The following TAF1D variants were observed in gnomAD, a reference collection of about 807,000 sequenced individuals.
TAF1D encodes the protein TATA box-binding protein-associated factor RNA polymerase I subunit D.
In TAF1D, 23 loss-of-function variants were observed where a neutral mutation model predicts 26.2. That is an observed-to-expected ratio of 0.88 (90% CI 0.63 to 1.25). The LOEUF is 1.25. Among genes scored for constraint, TAF1D ranks in the 50% most tolerant of loss-of-function variants. The pLI is 0.00. For synonymous variants in TAF1D, 100 were observed against 105.6 expected, an observed-to-expected ratio of 0.95 and a Z score of 0.33; for missense variants, 299 against 322.0, an observed-to-expected ratio of 0.93 and a Z score of 0.55.
chr11:93,736,024 A>G lies in TAF1D; in HGVS notation c.*137T>C. 7.0e-7 allele frequency: 1 copy of G among 1,425,490 alleles called. No individual in the cohort carries two copies. Among genetic ancestry groups the G allele is most frequent in the Non-Finnish European group, 9.1e-7 (1 of 1,094,176 alleles). The allele number at this position is 1,425,490 out of a possible 1,614,324, so 88.3% of individuals were successfully genotyped here. On this transcript the variant is annotated 3_prime_UTR_variant, in exon 6 of 6. Transcript: ENST00000448108. ...CACAAACTTCTTCACAGGGTTAAAA[A>G]TTTTTTTTCTTGTTATAAAGTTCTG...
intron 2 of TAF1D, 67 bp from the exon 3 acceptor site, chr11:93,738,566 T>TC: frequency 7.0e-7 from 1 of 1,433,820 alleles, no homozygotes; most frequent in African/African-American, 1.4e-5. Flanking sequence ...TAATACCCAG[T>TC]CCTAAATGTA....
chr11:93,741,205 G>A, intron 1 of TAF1D, 117 bp downstream of exon 1: 1 of 411,472 alleles, frequency 2.4e-6, no homozygotes, highest in Non-Finnish European at 4.8e-6. Flanking sequence ...TCACCCTCTC[G>A]GACCGACTTC....
At chr11:93,730,291 G>C in exon 12 of TAF1D, 1 of 1,500,632 alleles carries the variant, frequency 6.7e-7, no homozygotes, top group South Asian at 1.2e-5. Flanking sequence ...TAGTGTAAAG[G>C]TTTTTTAATT....
downstream of TAF1D, chr11:93,731,750 T>TA (rs1160767889): frequency 2.8e-6 from 1 of 351,120 alleles, no homozygotes; most frequent in Non-Finnish European, 5.6e-6. Context: ...TGAATTAACT[T>TA]ACCAAGAATC....
At position 93,737,197 on chromosome 11, in the gene TAF1D, TCA is replaced by T; in HGVS notation, c.500_501del (p.Leu167GlnfsTer3). ...ARGFFNYIEK[L>X]KYEHHLKESL... ...GATTCTTTCAGGTGGTGTTCATACT[TCA>T]GTTTTTCAATATAGTTAAAAAATCC... On this transcript the variant is annotated frameshift_variant, in exon 4 of 6. Transcript: ENST00000448108. LOFTEE classifies it high-confidence loss of function. The T allele has an allele frequency of 6.2e-7, 1 of 1,608,728 alleles. No homozygotes were observed. The highest frequency in any genetic ancestry group is 8.5e-7 in the Non-Finnish European group (1 of 1,178,092).
downstream of TAF1D, chr11:93,735,390 A>T (rs142769785): frequency 6.2e-5 from 62 of 998,924 alleles, 1 homozygote; most frequent in East Asian, 3.0e-3. Context: ...TGGTAGTTAA[A>T]AGTAGTATTA....
At chr11:93,736,772 ATC>A (rs774965161) in intron 4 of TAF1D, 21 bp from the exon 5 acceptor site, 1 of 1,600,796 alleles carries the variant, frequency 6.2e-7, no homozygotes, top group Non-Finnish European at 8.5e-7. Context: ...AAAATTTATC[ATC>A]GAGATGACAG....
In TAF1D at chr11:93,736,660, C is replaced by T. The variant is rs201076342; in HGVS notation, c.693+34G>A. ...TCTGTATCAACCAACTCCTGCCTTC[C>T]CAAAATGGAATAGGAAAAAAATAAG... On this transcript the variant is annotated intron_variant, in intron 5 of 5. Transcript: ENST00000448108. 1.3e-4 allele frequency: 201 copies of T among 1,604,360 alleles called. 2 individuals carry two copies. The East Asian group carries it at 3.8e-3, about 31-fold the overall frequency.
downstream of TAF1D, chr11:93,735,435 C>T: frequency 1.5e-6 from 1 of 679,108 alleles, no homozygotes; most frequent in Non-Finnish European, 1.9e-6. Flanking sequence ...ATAATCCCAG[C>T]ATTTTGGGAG....
downstream of TAF1D, chr11:93,733,286 ATTC>A (rs1465023795): frequency 1.9e-6 from 1 of 519,062 alleles, no homozygotes; most frequent in Non-Finnish European, 3.8e-6. Flanking sequence ...GAACAGTTAA[ATTC>A]ATCATCTGAA....
intron 2 of TAF1D, chr11:93,738,879 G>T: frequency 3.3e-6 from 1 of 306,038 alleles, no homozygotes. Context: ...CAAAAAAACT[G>T]TATCTTTCAA....
At chr11:93,733,627 A>T (rs984204099), downstream of TAF1D, 17 of 493,040 alleles carry the variant, frequency 3.4e-5, no homozygotes, top group Admixed American at 1.5e-4. Context: ...ATTTTTTTTT[A>T]AAGACACAGG....
rs1941335875 is a variant in TAF1D at position 93,739,331 on chromosome 11, T to C, written c.-27A>G. ...AATTGCTCTTTGTTTTAAACAGTTT[T>C]CTGAAATTATGAAATTTAGTAAATA... is the stretch of plus-strand genomic sequence containing the variant. On this transcript the variant is annotated splice_region_variant and 5_prime_UTR_variant, in exon 2 of 6. Coordinates refer to ENST00000448108, the MANE Select transcript of TAF1D (RefSeq NM_024116.4). 1 of 1,596,724 alleles carries C rather than the reference T, an allele frequency of 6.3e-7. No homozygotes were observed. Among genetic ancestry groups the C allele is most frequent in the African/African-American group, 1.3e-5 (1 of 74,270 alleles).
chr11:93,730,780 A>AT, downstream of TAF1D: 1 of 427,594 alleles, frequency 2.3e-6, no homozygotes, highest in Non-Finnish European at 4.6e-6. Context: ...GTGAACATGA[A>AT]TGAGTCCCTA....
Position 93,741,352 on chromosome 11 carries a change from G to A in TAF1D, c.-58C>T. The A allele has an allele frequency of 2.2e-6, 1 of 456,088 alleles. No individual in the cohort carries two copies. The highest frequency in any genetic ancestry group is 1.5e-5 in the South Asian group (1 of 64,554). The allele number at this position is 456,088 out of a possible 1,614,324, so 28.3% of individuals were successfully genotyped here. Reference sequence around the variant, plus strand: ...ACGGCCTCGCAGTGGCCCCAACCGCGCACTTGCTGCTTGTAACCCAGGCCT... The same window carrying A: ...ACGGCCTCGCAGTGGCCCCAACCGCACACTTGCTGCTTGTAACCCAGGCCT... On this transcript the variant is annotated 5_prime_UTR_variant, in exon 1 of 6. Coordinates refer to ENST00000448108, the MANE Select transcript of TAF1D (RefSeq NM_024116.4).
At chr11:93,732,626 T>C, downstream of TAF1D, 1 of 341,876 alleles carries the variant, frequency 2.9e-6, no homozygotes. Flanking sequence ...GTCACTGTAA[T>C]AAGGAAGCTA....
chr11:93,733,177 T>G (rs1431937343), downstream of TAF1D: 1 of 512,270 alleles, frequency 2.0e-6, no homozygotes, highest in African/African-American at 1.9e-5. Context: ...TTATTAAAAC[T>G]AAAACCCAAG....
In TAF1D at chr11:93,741,303, C is replaced by G. The variant is rs1465952313; in HGVS notation, c.-28+19G>C. 2 of 456,242 alleles carry G rather than the reference C, an allele frequency of 4.4e-6. No homozygotes were observed. Among genetic ancestry groups the G allele is most frequent in the Non-Finnish European group, 8.8e-6 (2 of 226,978 alleles). The allele number at this position is 456,242 out of a possible 1,614,324, so 28.3% of individuals were successfully genotyped here. A position where few individuals can be genotyped will look rare whatever the true frequency, so the allele number is the denominator to read the frequency against. ...CCCGCCCGCCAGGCCCGGACGGCCT[C>G]GCCCTCTTAGCAACCTACCTAAAAC... On this transcript the variant is annotated intron_variant, in intron 1 of 5. Transcript: ENST00000448108.
At chr11:93,736,495 T>C (rs1036790416) in intron 5 of TAF1D, 191 bp from the exon 6 acceptor site, 7 of 1,425,488 alleles carry the variant, frequency 4.9e-6, no homozygotes, top group Middle Eastern at 2.6e-4. Context: ...GAATGCTACT[T>C]ATTAAAAATA....
Sources: allele counts gnomAD v4.1 joint callset, GRCh38; gene constraint gnomAD v4.1.1; transcripts MANE v1.5; gene names NCBI Gene and HGNC (gene_info 2026-07-23, HGNC 2026-07-21).